Variants in DLGAP1 observed in about 807,000 individuals in gnomAD.
The protein encoded by DLGAP1 is DLG associated protein 1.
In DLGAP1, 11 loss-of-function variants were observed where a neutral mutation model predicts 90.8. The observed-to-expected ratio is 0.12, with a 90% CI of 0.08 to 0.20. The LOEUF is 0.20. DLGAP1 is among the 10% of genes least tolerant of loss of function. The pLI is 1.00. For missense variants in DLGAP1, 1,050 were observed against 1,333.8 expected (o/e 0.79, Z 3.31); for synonymous variants, 558 against 540.7 (o/e 1.03, Z -0.44).
rs2078492712 is a variant in DLGAP1, at chr18:4,239,750, T to G, written c.-266-88463A>C. On this transcript the variant is annotated intron_variant, in intron 1 of 12. Transcript: ENST00000315677. ...CAGGCCTCCTTAGTTGCCTGTGTGT[T>G]GATGGATATTTTCAGAAACAGAATC... is the stretch of plus-strand genomic sequence containing the variant. Among the ~76,000 whole-genome samples the G allele has an allele frequency of 2.0e-5, 3 of 152,304 alleles. No homozygotes were observed. In the East Asian group the frequency reaches 5.8e-4, roughly 29 times the overall value.
chr18:3,586,202 A>C (rs1287279890), intron 7 of DLGAP1, among the ~76,000 whole-genome samples: 2 of 152,194 alleles, frequency 1.3e-5, no homozygotes, highest in East Asian at 3.8e-4. Context: ...TAAGATTTTG[A>C]GATCCCCCCC....
At chr18:3,986,906 C>G (rs2149041924) in intron 3 of DLGAP1, among the ~76,000 whole-genome samples, 1 of 152,168 alleles carries the variant, frequency 6.6e-6, no homozygotes, top group South Asian at 2.1e-4. Context: ...ATGGTGACAC[C>G]CTGCCTCCCA....
intron 3 of DLGAP1, among the ~76,000 whole-genome samples, chr18:3,912,996 G>T (rs1334309723): frequency 6.6e-6 from 1 of 152,126 alleles, no homozygotes; most frequent in African/African-American, 2.4e-5. Flanking sequence ...GTTTTCCACA[G>T]CTGAAGAAAA....
At chr18:4,263,058 G>A (rs926834244) in intron 1 of DLGAP1, among the ~76,000 whole-genome samples, 1 of 151,864 alleles carries the variant, frequency 6.6e-6, no homozygotes, top group Admixed American at 6.6e-5. Flanking sequence ...TCAAGCCTCC[G>A]GAGTAGCTGG....
At chr18:4,144,455 T>A (rs1330979620) in intron 2 of DLGAP1, among the ~76,000 whole-genome samples, 1 of 152,132 alleles carries the variant, frequency 6.6e-6, no homozygotes, top group Admixed American at 6.5e-5. Context: ...CACACCGATT[T>A]CCTCTCTGAG....
At chr18:4,145,587 C>G (rs759887775) in intron 2 of DLGAP1, among the ~76,000 whole-genome samples, 2 of 152,090 alleles carry the variant, frequency 1.3e-5, no homozygotes, top group Admixed American at 6.6e-5. Context: ...TAAAACAGAA[C>G]AGAAAAGTAT....
At chr18:4,056,866 C>T (rs545293747) in intron 2 of DLGAP1, among the ~76,000 whole-genome samples, 2 of 152,290 alleles carry the variant, frequency 1.3e-5, no homozygotes, top group South Asian at 2.1e-4. Flanking sequence ...GACCAATGCA[C>T]TTTAGCATCT....
At chr18:4,421,690 C>T (rs1000318339) in intron 1 of DLGAP1, among the ~76,000 whole-genome samples, 1 of 151,976 alleles carries the variant, frequency 6.6e-6, no homozygotes, top group Admixed American at 6.6e-5. Context: ...GTGCATATTG[C>T]CTTTATAGTT....
intron 1 of DLGAP1, among the ~76,000 whole-genome samples, chr18:4,367,597 C>T (rs2081805505): frequency 6.6e-6 from 1 of 152,144 alleles, no homozygotes; most frequent in Non-Finnish European, 1.5e-5. Flanking sequence ...CTTCAAGAAA[C>T]TTAACACTTG....
At chr18:3,985,195 C>T (rs1400079361) in intron 3 of DLGAP1, among the ~76,000 whole-genome samples, 2 of 152,136 alleles carry the variant, frequency 1.3e-5, no homozygotes, top group Non-Finnish European at 2.9e-5. Flanking sequence ...AACCTCTGAG[C>T]CACATGTGAT....
chr18:3,551,681 C>CCCCTCCCTCCCTCCCT, intron 9 of DLGAP1, among the ~76,000 whole-genome samples: 1 of 5,370 alleles, frequency 1.9e-4, no homozygotes, highest in African/African-American at 6.4e-4. Flanking sequence ...TCTTTTCCCT[C>CCCCTCCCTCCCTCCCT]CCCTCCCTCC....
chr18:3,602,593 C>CAAAAAAAAAAAAAAAAAAAAAAAAAA (rs71159102), intron 7 of DLGAP1, among the ~76,000 whole-genome samples: 1 of 66,700 alleles, frequency 1.5e-5, no homozygotes, highest in African/African-American at 6.2e-5. Context: ...AGACTCCGTC[C>CAAAAAAAAAAAAAAAAAAAAAAAAAA]AAAAAAAAAA....
At chr18:3,651,744 G>A (rs1309583544) in intron 7 of DLGAP1, among the ~76,000 whole-genome samples, 1 of 152,140 alleles carries the variant, frequency 6.6e-6, no homozygotes. Flanking sequence ...AGGCCGAGGT[G>A]GGTGGATCTC....
At chr18:4,006,231 C>G (rs9960171) in intron 2 of DLGAP1, among the ~76,000 whole-genome samples, 10,036 of 152,224 alleles carry the variant, frequency 0.066, 949 homozygotes, top group African/African-American at 0.21. Context: ...CTATGGGAGA[C>G]TAGCAAAGCC....
At chr18:3,823,945 C>T (rs1436992800) in intron 4 of DLGAP1, among the ~76,000 whole-genome samples, 10 of 99,000 alleles carry the variant, frequency 1.0e-4, no homozygotes, top group African/African-American at 3.6e-4. Context: ...GTGAGACTCC[C>T]TCTCAAAAAA....
At chr18:4,408,213 G>A (rs543707627) in intron 1 of DLGAP1, among the ~76,000 whole-genome samples, 1 of 152,110 alleles carries the variant, frequency 6.6e-6, no homozygotes, top group Admixed American at 6.6e-5. Context: ...CAAAAGGGTC[G>A]ATATTTATCA....
At chr18:3,606,527 G>A (rs1050099762) in intron 7 of DLGAP1, 4 of 152,122 alleles carry the variant, frequency 2.6e-5, no homozygotes, top group African/African-American at 9.7e-5. Context: ...CTTCTACACT[G>A]ACCAGTAGTT....
intron 4 of DLGAP1, among the ~76,000 whole-genome samples, chr18:3,818,133 A>G (rs2067195681): frequency 6.6e-6 from 1 of 152,202 alleles, no homozygotes; most frequent in Non-Finnish European, 1.5e-5. Flanking sequence ...TTGCTTTTTA[A>G]TTATTATGTT....
intron 2 of DLGAP1, chr18:4,014,084 C>CTT (rs11422016): frequency 0.29 from 36,489 of 126,298 alleles, 6,046 homozygotes; most frequent in East Asian, 0.43. Flanking sequence ...ACTTAGCCCA[C>CTT]TTTTTTTTTT....
Sources: allele counts gnomAD v4.1 joint callset (sites outside exome capture counted in the v4.1 genomes callset), GRCh38; gene constraint gnomAD v4.1.1; transcripts MANE v1.5; gene names NCBI Gene and HGNC (gene_info 2026-07-23, HGNC 2026-07-21).